The following AGO2 variants were observed in gnomAD, a reference collection of about 807,000 sequenced individuals.
AGO2 encodes the protein argonaute RISC catalytic component 2.
Under a neutral mutation model 102.3 loss-of-function variants are expected in AGO2, and 5 were observed. The observed-to-expected ratio is 0.05, with a 90% CI of 0.03 to 0.10. The LOEUF is 0.10. Among genes scored for constraint, AGO2 ranks in the 10% least tolerant of loss-of-function variants. The pLI is 1.00. For missense variants in AGO2, 541 were observed against 1,183.7 expected (o/e 0.46, Z 7.97); for synonymous variants, 449 against 473.1 (o/e 0.95, Z 0.66).
chr8:140,630,215 C>A (rs2074325063), intron 1 of AGO2, among the ~76,000 whole-genome samples: 1 of 152,216 alleles, frequency 6.6e-6, no homozygotes, highest in South Asian at 2.1e-4. Flanking sequence ...ACACAAGCCC[C>A]AGATTTTAAA....
At position 140,529,028 on chromosome 8, in the gene AGO2, TAAA is replaced by T. The variant is rs1284163212; in HGVS notation, c.*3013_*3015del. On this transcript the variant is annotated 3_prime_UTR_variant, in exon 19 of 19. Transcript: ENST00000220592. ...AGAAATCGAATTGGGAGACCTCTTTTAAAGAGATGAGATAAAATCCCAGTTTTT... is the reference window on the plus strand; with the variant it reads ...AGAAATCGAATTGGGAGACCTCTTTTGAGATGAGATAAAATCCCAGTTTTT... 2.0e-5 allele frequency: 3 copies of T among 152,352 alleles called. No homozygotes were observed. The East Asian group carries it at 5.8e-4, about 29-fold the overall frequency. The allele number at this position is 152,352 out of a possible 1,614,324, so 9.4% of individuals were successfully genotyped here.
intron 15 of AGO2, 34 bp downstream of exon 15, chr8:140,541,130 G>T: frequency 6.6e-7 from 1 of 1,511,214 alleles, no homozygotes; most frequent in Non-Finnish European, 8.9e-7. Flanking sequence ...ACAGACCCCA[G>T]AGAAGGGGAG....
chr8:140,532,516 C>T lies in AGO2; in HGVS notation c.2371G>A (p.Val791Met). The T allele has an allele frequency of 1.2e-6, 2 of 1,614,260 alleles. No homozygotes were observed. Among genetic ancestry groups the T allele is most frequent in the Non-Finnish European group, 1.7e-6 (2 of 1,180,050 alleles). ...ATGGACACGGAGCGTGTGCAGCGCA[C>T]GTAGGTGTGACACAGCTGGTAGGTT... is the stretch of plus-strand genomic sequence containing the variant. The part of the protein sequence containing the change: ...ILTYQLCHTY[V>M]RCTRSVSIPA... Residue 791 changes from valine (V) to methionine (M), a missense_variant, in exon 18 of 19, where the codon GTG becomes ATG. Physicochemically the swap from Val to Met is conservative, Grantham distance 21. Coordinates refer to ENST00000220592, the MANE Select transcript of AGO2 (RefSeq NM_012154.5).
At chr8:140,641,295 AACACACACACACACACACACAC>A in the AGO2 span, among the ~76,000 whole-genome samples, 8 of 146,870 alleles carry the variant, frequency 5.4e-5, no homozygotes. Context: ...GCTGTCTCAA[AACACACACACACACACACACAC>A]ACACACACAC....
chr8:140,578,812 C>A (rs975386157), intron 2 of AGO2, among the ~76,000 whole-genome samples: 1 of 152,262 alleles, frequency 6.6e-6, no homozygotes, highest in African/African-American at 2.4e-5. Flanking sequence ...CAAGCAGCAC[C>A]CCGCACGGGG....
At chr8:140,605,509 G>A (rs1405988893) in intron 1 of AGO2, among the ~76,000 whole-genome samples, 1 of 152,242 alleles carries the variant, frequency 6.6e-6, no homozygotes, top group Non-Finnish European at 1.5e-5. Flanking sequence ...GGGCTCTGGG[G>A]TAGGGAGGAC....
chr8:140,641,258 G>A, the AGO2 span, among the ~76,000 whole-genome samples: 10 of 151,622 alleles, frequency 6.6e-5, no homozygotes, highest in South Asian at 2.1e-4. Flanking sequence ...GTACCACTGC[G>A]CTCTAGTCTG....
At chr8:140,617,878 G>A (rs1035338779) in intron 1 of AGO2, among the ~76,000 whole-genome samples, 2 of 151,820 alleles carry the variant, frequency 1.3e-5, no homozygotes, top group Admixed American at 1.3e-4. Flanking sequence ...GCCAGGTGTG[G>A]TGGCACACAC....
chr8:140,576,083 C>T (rs1433497037), intron 2 of AGO2, among the ~76,000 whole-genome samples: 1 of 152,170 alleles, frequency 6.6e-6, no homozygotes, highest in Admixed American at 6.5e-5. Context: ...CTTTGGGAGG[C>T]AGGCGGATCA....
chr8:140,587,194 G>A (rs146028415), intron 1 of AGO2, among the ~76,000 whole-genome samples: 19 of 152,252 alleles, frequency 1.2e-4, no homozygotes, highest in African/African-American at 4.1e-4. Flanking sequence ...CATGGGAGGC[G>A]GGAAACCTGC....
At chr8:140,571,803 T>C (rs1056153299) in intron 3 of AGO2, among the ~76,000 whole-genome samples, 13 of 152,228 alleles carry the variant, frequency 8.5e-5, no homozygotes, top group African/African-American at 1.2e-4. Flanking sequence ...TGGAGTGCAG[T>C]GGCACGATAT....
At chr8:140,559,222 G>A (rs999548837) in intron 6 of AGO2, among the ~76,000 whole-genome samples, 173 bp downstream of exon 6, 18 of 152,006 alleles carry the variant, frequency 1.2e-4, no homozygotes, top group Non-Finnish European at 2.2e-4. Context: ...CCCCACTCCC[G>A]CTCTGGGAAA....
At chr8:140,637,323 CGTTTTGG>C, upstream of AGO2, 1 of 152,354 alleles carries the variant, frequency 6.6e-6, no homozygotes, top group Admixed American at 6.5e-5. Context: ...CCCCAAAACT[CGTTTTGG>C]CCCGAAATCC....
At chr8:140,535,841 G>A (rs920768903) in intron 16 of AGO2, among the ~76,000 whole-genome samples, 10 of 152,210 alleles carry the variant, frequency 6.6e-5, no homozygotes, top group African/African-American at 1.9e-4. Context: ...ACTGCAGAAC[G>A]TGCCTCTGAT....
At position 140,530,732 on chromosome 8, in the gene AGO2, C is replaced by T. The variant is rs2072579929; in HGVS notation, c.*1312G>A. On this transcript the variant is annotated 3_prime_UTR_variant, in exon 19 of 19. Coordinates refer to ENST00000220592, the MANE Select transcript of AGO2 (RefSeq NM_012154.5). ...GCTCCTTCGCTGTGACCGACGGCCT[C>T]ACGCCCAGCAGAGCCACCACCAACA... is the stretch of plus-strand genomic sequence containing the variant. 1 of 152,370 alleles carries T rather than the reference C, an allele frequency of 6.6e-6. No homozygotes were observed. Among genetic ancestry groups the T allele is most frequent in the Non-Finnish European group, 1.5e-5 (1 of 68,102 alleles). The allele number at this position is 152,370 out of a possible 1,614,324, so 9.4% of individuals were successfully genotyped here.
intron 17 of AGO2, 113 bp downstream of exon 17, chr8:140,535,355 G>A: frequency 8.9e-7 from 1 of 1,128,076 alleles, no homozygotes; most frequent in East Asian, 2.4e-5. Flanking sequence ...TACTGCCTGT[G>A]TGGGCCCCTC....
upstream of AGO2, among the ~76,000 whole-genome samples, chr8:140,639,705 C>T (rs1426161450): frequency 2.0e-5 from 3 of 151,972 alleles, no homozygotes; most frequent in Non-Finnish European, 2.9e-5. Context: ...CCCAGGAGGT[C>T]GAGGCTGCAG....
At chr8:140,586,739 A>G (rs906869835) in intron 1 of AGO2, among the ~76,000 whole-genome samples, 2 of 152,218 alleles carry the variant, frequency 1.3e-5, no homozygotes, top group African/African-American at 4.8e-5. Context: ...GCCACACCGG[A>G]GTAGAACAAA....
At chr8:140,544,435 T>A in intron 13 of AGO2, 132 bp from the exon 14 acceptor site, 1 of 730,084 alleles carries the variant, frequency 1.4e-6, no homozygotes, top group Non-Finnish European at 2.2e-6. Context: ...CCTTATCTTT[T>A]AACCGGAATA....
Sources: allele counts gnomAD v4.1 joint callset (sites outside exome capture counted in the v4.1 genomes callset), GRCh38; gene constraint gnomAD v4.1.1; transcripts MANE v1.5; gene names NCBI Gene and HGNC (gene_info 2026-07-23, HGNC 2026-07-21).